The following NR2F1-AS1 variants were observed in gnomAD, a reference collection of about 807,000 sequenced individuals.
The protein encoded by NR2F1-AS1 is NR2F1 antisense RNA 1.
intron 4 of NR2F1-AS1, among the ~76,000 whole-genome samples, chr5:93,516,623 C>CA (rs1194265441): frequency 1.3e-5 from 2 of 151,538 alleles, no homozygotes; most frequent in Non-Finnish European, 3.0e-5. Flanking sequence ...CATTAATGGC[C>CA]AAAAAAGTTA....
At chr5:93,540,189 A>C (rs1396307949) in intron 4 of NR2F1-AS1, among the ~76,000 whole-genome samples, 1 of 152,194 alleles carries the variant, frequency 6.6e-6, no homozygotes, top group Non-Finnish European at 1.5e-5. Flanking sequence ...AATATGCAAA[A>C]ATGATGTTGT....
intron 4 of NR2F1-AS1, among the ~76,000 whole-genome samples, chr5:93,480,683 T>C (rs1398905399): frequency 1.3e-5 from 2 of 152,064 alleles, no homozygotes; most frequent in African/African-American, 4.8e-5. Context: ...ACAATAATTA[T>C]AAATATATGT....
intron 1 of NR2F1-AS1, among the ~76,000 whole-genome samples, chr5:93,576,362 A>G (rs1344585324): frequency 6.6e-6 from 1 of 152,034 alleles, no homozygotes; most frequent in Non-Finnish European, 1.5e-5. Flanking sequence ...TAAAATATAT[A>G]TAGCATAACA....
chr5:93,542,382 T>C (rs1410763313), intron 4 of NR2F1-AS1: 1 of 152,088 alleles, frequency 6.6e-6, no homozygotes, highest in East Asian at 1.9e-4. Context: ...GCTATGTAAT[T>C]TGTTTGTTGT....
At chr5:93,518,813 G>T (rs997812413) in intron 4 of NR2F1-AS1, among the ~76,000 whole-genome samples, 1 of 152,030 alleles carries the variant, frequency 6.6e-6, no homozygotes, top group African/African-American at 2.4e-5. Flanking sequence ...TCTGAAAGGG[G>T]ACTGATGTCA....
intron 4 of NR2F1-AS1, among the ~76,000 whole-genome samples, chr5:93,426,632 C>T (rs981822381): frequency 3.3e-5 from 5 of 152,176 alleles, no homozygotes; most frequent in Non-Finnish European, 5.9e-5. Flanking sequence ...AAGCAGCTAG[C>T]ACAGTACCTG....
intron 2 of NR2F1-AS1, among the ~76,000 whole-genome samples, chr5:93,562,195 A>AAGAAAAGAAAAG (rs1554072354): frequency 7.3e-6 from 1 of 136,666 alleles, no homozygotes; most frequent in African/African-American, 3.0e-5. Flanking sequence ...AAAAAAAAAA[A>AAGAAAAGAAAAG]AAAAGAAAAG....
intron 4 of NR2F1-AS1, among the ~76,000 whole-genome samples, chr5:93,469,450 A>G (rs745954114): frequency 6.6e-6 from 1 of 152,142 alleles, no homozygotes; most frequent in Non-Finnish European, 1.5e-5. Context: ...GCAGTGCATT[A>G]CCTTACCTAA....
chr5:93,524,731 C>T (rs769555160), intron 4 of NR2F1-AS1, among the ~76,000 whole-genome samples: 3 of 152,128 alleles, frequency 2.0e-5, no homozygotes, highest in Admixed American at 6.6e-5. Context: ...GAATTTTCAA[C>T]CCAGAATTTC....
In NR2F1-AS1 at chr5:93,522,270, T is replaced by C. The variant is rs115184042; in HGVS notation, n.638+31491A>G. On this transcript the variant is annotated intron_variant and non_coding_transcript_variant, in intron 4 of 5. Coordinates refer to ENST00000660523, the Ensembl canonical transcript of NR2F1-AS1. Reference sequence around the variant, plus strand: ...ACTATTGGGTATTGGACTTAATATCTGGGTGATGAAATAATCTGTACAACA... The same window carrying C: ...ACTATTGGGTATTGGACTTAATATCCGGGTGATGAAATAATCTGTACAACA... 8.3e-3 allele frequency among the ~76,000 whole-genome samples: 1,258 copies of C among 152,258 alleles called. 3 individuals carry two copies. The highest frequency in any genetic ancestry group is 0.013 in the Non-Finnish European group (897 of 68,022).
At chr5:93,461,072 T>C (rs868536511) in intron 4 of NR2F1-AS1, among the ~76,000 whole-genome samples, 10 of 152,184 alleles carry the variant, frequency 6.6e-5, no homozygotes, top group African/African-American at 2.2e-4. Flanking sequence ...AGCAAAGACA[T>C]GCAATCAACC....
At chr5:93,417,319 T>G (rs1018814022) in intron 4 of NR2F1-AS1, among the ~76,000 whole-genome samples, 1 of 152,246 alleles carries the variant, frequency 6.6e-6, no homozygotes, top group Non-Finnish European at 1.5e-5. Flanking sequence ...GAAAAGAGTT[T>G]AATAGTCACT....
intron 2 of NR2F1-AS1, among the ~76,000 whole-genome samples, chr5:93,555,608 G>A (rs1752336840): frequency 6.6e-6 from 1 of 152,116 alleles, no homozygotes; most frequent in East Asian, 1.9e-4. Context: ...ATGAAAGATG[G>A]GAGGAAGAAC....
At chr5:93,503,806 G>T (rs1751131933) in intron 4 of NR2F1-AS1, among the ~76,000 whole-genome samples, 1 of 152,138 alleles carries the variant, frequency 6.6e-6, no homozygotes, top group Non-Finnish European at 1.5e-5. Flanking sequence ...ATGAGCAGAG[G>T]ACTTTTCAAG....
chr5:93,533,239 T>A (rs1343027184), intron 4 of NR2F1-AS1, among the ~76,000 whole-genome samples: 1 of 152,198 alleles, frequency 6.6e-6, no homozygotes, highest in East Asian at 1.9e-4. Flanking sequence ...GATTTTTTTT[T>A]AAACTGGGAA....
intron 4 of NR2F1-AS1, among the ~76,000 whole-genome samples, chr5:93,463,381 C>T (rs1750143375): frequency 6.6e-6 from 1 of 152,138 alleles, no homozygotes; most frequent in Non-Finnish European, 1.5e-5. Context: ...TGGAAATGCC[C>T]GGATGTCCAG....
intron 4 of NR2F1-AS1, among the ~76,000 whole-genome samples, chr5:93,494,329 A>C (rs1275371588): frequency 1.3e-5 from 2 of 152,182 alleles, no homozygotes; most frequent in Non-Finnish European, 2.9e-5. Context: ...TTAATCAAAA[A>C]AATAAAAAAT....
chr5:93,424,443 T>C (rs1007591750), intron 4 of NR2F1-AS1, among the ~76,000 whole-genome samples: 1 of 152,066 alleles, frequency 6.6e-6, no homozygotes, highest in Non-Finnish European at 1.5e-5. Flanking sequence ...TTATACTCCT[T>C]CTTCTCCTTC....
chr5:93,510,089 A>T (rs926269751), intron 4 of NR2F1-AS1, among the ~76,000 whole-genome samples: 9 of 152,220 alleles, frequency 5.9e-5, no homozygotes, highest in Non-Finnish European at 1.2e-4. Flanking sequence ...ATGGAGACAA[A>T]CGTGAATTTA....
Sources: allele counts gnomAD v4.1 joint callset (sites outside exome capture counted in the v4.1 genomes callset), GRCh38; gene constraint gnomAD v4.1.1; transcripts MANE v1.5; gene names NCBI Gene and HGNC (gene_info 2026-07-23, HGNC 2026-07-21).